The following DGKI variants were observed in gnomAD, a reference collection of about 807,000 sequenced individuals.
DGKI encodes the protein diacylglycerol kinase iota.
A neutral mutation model predicts 147.5 loss-of-function variants in DGKI; 55 were observed. The observed-to-expected ratio is 0.37, with a 90% CI of 0.30 to 0.47. DGKI has a LOEUF of 0.47. DGKI is among the 20% of genes least tolerant of loss of function. DGKI has a pLI of 1.00. For missense variants in DGKI, 1,007 were observed against 1,323.8 expected (o/e 0.76, Z 3.71); for synonymous variants, 469 against 477.1 (o/e 0.98, Z 0.22).
intron 20 of DGKI, among the ~76,000 whole-genome samples, chr7:137,532,899 C>T (rs751559141): frequency 5.3e-5 from 8 of 152,116 alleles, no homozygotes; most frequent in Non-Finnish European, 1.0e-4. Context: ...AAGAATCACA[C>T]AATAATTATA....
intron 6 of DGKI, among the ~76,000 whole-genome samples, chr7:137,638,888 T>A (rs1352638876): frequency 6.6e-6 from 1 of 151,888 alleles, no homozygotes; most frequent in Non-Finnish European, 1.5e-5. Context: ...TAAAAAATAC[T>A]AAATTTTTTA....
At chr7:137,435,458 G>A (rs942179904) in intron 28 of DGKI, among the ~76,000 whole-genome samples, 3 of 152,064 alleles carry the variant, frequency 2.0e-5, no homozygotes, top group African/African-American at 7.2e-5. Context: ...GGTAGGAGGT[G>A]ACAGAAAGCT....
chr7:137,701,154 T>C (rs1486771569), intron 1 of DGKI, among the ~76,000 whole-genome samples: 1 of 151,832 alleles, frequency 6.6e-6, no homozygotes, highest in African/African-American at 2.4e-5. Context: ...GCAGGCCTAC[T>C]TGCAGAAAAA....
At chr7:137,775,003 T>A (rs1796322850) in intron 1 of DGKI, 1 of 152,176 alleles carries the variant, frequency 6.6e-6, no homozygotes, top group Non-Finnish European at 1.5e-5. Context: ...ATTCAGCAGT[T>A]TTTCCAGGCA....
intron 1 of DGKI, among the ~76,000 whole-genome samples, chr7:137,709,490 G>A (rs1009688190): frequency 6.6e-6 from 1 of 152,160 alleles, no homozygotes; most frequent in Non-Finnish European, 1.5e-5. Context: ...ACTAAGTGAT[G>A]GAAGGAAAAA....
intron 1 of DGKI, among the ~76,000 whole-genome samples, chr7:137,840,219 A>G (rs916356486): frequency 2.6e-5 from 4 of 152,210 alleles, no homozygotes; most frequent in African/African-American, 7.2e-5. Flanking sequence ...TGGGTTAAAA[A>G]CAAAGCAAAA....
chr7:137,785,424 A>G, intron 1 of DGKI, among the ~76,000 whole-genome samples: 1 of 152,124 alleles, frequency 6.6e-6, no homozygotes, highest in East Asian at 1.9e-4. Context: ...TTAAACCAGG[A>G]AGATAGAGAA....
At chr7:137,537,714 A>G (rs866450787) in intron 20 of DGKI, among the ~76,000 whole-genome samples, 12 of 152,176 alleles carry the variant, frequency 7.9e-5, no homozygotes, top group Non-Finnish European at 1.2e-4. Context: ...CATGAGTGCG[A>G]TTCATTCTCA....
chr7:137,649,343 C>T (rs1221374774), intron 5 of DGKI, among the ~76,000 whole-genome samples: 5 of 152,130 alleles, frequency 3.3e-5, no homozygotes, highest in African/African-American at 1.2e-4. Flanking sequence ...AGTTGCTGAA[C>T]TGACATTGGA....
chr7:137,722,889 T>A (rs368746269), intron 1 of DGKI: 2 of 596,774 alleles, frequency 3.4e-6, no homozygotes, highest in Non-Finnish European at 2.8e-6. Context: ...TTGACTACGT[T>A]AAAAAAAAAA....
At position 137,552,532 on chromosome 7, in the gene DGKI, G is replaced by A. The variant is rs1203302069; in HGVS notation, c.1984C>T (p.His662Tyr). 2 of 1,614,188 alleles carry A rather than the reference G, an allele frequency of 1.2e-6. No individual in the cohort carries two copies. The highest frequency in any genetic ancestry group is 1.7e-6 in the Non-Finnish European group (2 of 1,180,036). Reference protein sequence around the residue: ...LQVGGHGERLHQCREVMLLTY... With the variant: ...LQVGGHGERLYQCREVMLLTY... ...AGAAGCATGACTTCTCGACACTGGT[G>A]TAGCCTCTCTCCATGGCCCCCAACT... The change falls in exon 20 of 33, where the codon CAC becomes TAC. Residue 662 changes from histidine to tyrosine, a missense_variant. His to Tyr is a moderately conservative substitution (Grantham distance 83). Transcript: ENST00000614521.
intron 1 of DGKI, among the ~76,000 whole-genome samples, chr7:137,709,692 A>C (rs147126371): frequency 7.2e-5 from 11 of 152,306 alleles, no homozygotes; most frequent in Non-Finnish European, 4.4e-5. Flanking sequence ...GTACCAAGAC[A>C]CATGAAATCC....
At chr7:137,524,240 T>A (rs1167072733) in intron 20 of DGKI, among the ~76,000 whole-genome samples, 1 of 152,164 alleles carries the variant, frequency 6.6e-6, no homozygotes, top group African/African-American at 2.4e-5. Context: ...AATAATTATA[T>A]ATGGCATAAG....
At chr7:137,440,824 G>T (rs950703487) in intron 28 of DGKI, among the ~76,000 whole-genome samples, 17 of 152,122 alleles carry the variant, frequency 1.1e-4, no homozygotes, top group African/African-American at 4.1e-4. Flanking sequence ...AACAGTTTAT[G>T]TGTCATTTAG....
At chr7:137,438,931 C>T (rs1813387395) in intron 28 of DGKI, among the ~76,000 whole-genome samples, 1 of 151,960 alleles carries the variant, frequency 6.6e-6, no homozygotes, top group Admixed American at 6.6e-5. Flanking sequence ...GTTATATATC[C>T]ACGTATCCAT....
At chr7:137,769,901 G>A (rs886868263) in intron 1 of DGKI, among the ~76,000 whole-genome samples, 3 of 152,338 alleles carry the variant, frequency 2.0e-5, no homozygotes, top group Admixed American at 2.0e-4. Flanking sequence ...CAACCATTGT[G>A]GAAGCCAGTG....
At chr7:137,520,192 A>G (rs1206521475) in intron 21 of DGKI, among the ~76,000 whole-genome samples, 2 of 152,104 alleles carry the variant, frequency 1.3e-5, no homozygotes, top group African/African-American at 4.8e-5. Context: ...TTCAGCTAAA[A>G]ATTTCAAATG....
Position 137,652,212 on chromosome 7 carries a change from G to C in DGKI, c.738+2520C>G, listed in dbSNP as rs116109188. Among the ~76,000 whole-genome samples, 661 of 152,100 alleles carry C rather than the reference G, an allele frequency of 4.3e-3. 7 individuals carry two copies. The highest frequency in any genetic ancestry group is 0.015 in the African/African-American group (624 of 41,492). ...GGGGATGAAAATATATAAAAGAAAGGAATTTCAAGTCCTTGATAAGAAGAC... is the reference window on the plus strand; with the variant it reads ...GGGGATGAAAATATATAAAAGAAAGCAATTTCAAGTCCTTGATAAGAAGAC... On this transcript the variant is annotated intron_variant, in intron 5 of 32. Transcript: ENST00000614521.
intron 30 of DGKI, among the ~76,000 whole-genome samples, chr7:137,400,430 T>C (rs998623409): frequency 4.6e-5 from 7 of 152,246 alleles, no homozygotes; most frequent in African/African-American, 1.4e-4. Flanking sequence ...CTCAGAGCCA[T>C]GCCACGGTGA....
Sources: allele counts gnomAD v4.1 joint callset (sites outside exome capture counted in the v4.1 genomes callset), GRCh38; gene constraint gnomAD v4.1.1; transcripts MANE v1.5; gene names NCBI Gene and HGNC (gene_info 2026-07-23, HGNC 2026-07-21).